UBE2S: variants seen among roughly 807,000 people sequenced by gnomAD.
The protein encoded by UBE2S is ubiquitin-conjugating enzyme E2 S.
Under a neutral mutation model 12.3 loss-of-function variants are expected in UBE2S, and 3 were observed. The observed-to-expected ratio is 0.24, with a 90% CI of 0.11 to 0.63. The LOEUF is 0.63. Ranked by LOEUF, UBE2S falls within the 30% of genes least tolerant of loss-of-function variation. UBE2S has a pLI of 0.85. For missense variants in UBE2S, 211 were observed against 313.9 expected, an observed-to-expected ratio of 0.67 and a Z score of 2.48; for synonymous variants, 133 against 142.0, an observed-to-expected ratio of 0.94 and a Z score of 0.45.
intron 3 of UBE2S, among the ~76,000 whole-genome samples, 198 bp from the exon 4 acceptor site, chr19:55,401,960 A>G (rs1042715258): frequency 1.3e-5 from 2 of 152,200 alleles, no homozygotes; most frequent in Admixed American, 1.3e-4. Flanking sequence ...CCTGCCTCAC[A>G]GCAGATGTTC....
At position 55,400,774 on chromosome 19, in the gene UBE2S, C is replaced by T. The variant is rs2090051303; in HGVS notation, c.*662G>A. On this transcript the variant is annotated 3_prime_UTR_variant, in exon 4 of 4. Transcript: ENST00000264552. ...CTGAAGTGGGTGTTGTTTTAAGCCG[C>T]TGGCTTTGTGATCTGTTGTGCAGAA... 6.6e-6 allele frequency: 1 copy of T among 152,378 alleles called. No homozygotes were observed. Among genetic ancestry groups the T allele is most frequent in the Non-Finnish European group, 1.5e-5 (1 of 68,140 alleles). The allele number at this position is 152,378 out of a possible 1,614,324, so 9.4% of individuals were successfully genotyped here.
At position 55,406,812 on chromosome 19, in the gene UBE2S, C is replaced by T. The variant is rs371208804; in HGVS notation, c.151+3G>A. 3.1e-6 allele frequency: 5 copies of T among 1,611,448 alleles called. No individual in the cohort carries two copies. In the African/African-American group the frequency reaches 6.7e-5, roughly 22 times the overall value. Reference sequence around the variant, plus strand: ...CCCCTTCTCTTTTTCCTTCCAAACTCACCAGGGCCCTCGATGGTGACCTGG... The same window carrying T: ...CCCCTTCTCTTTTTCCTTCCAAACTTACCAGGGCCCTCGATGGTGACCTGG... On this transcript the variant is annotated splice_donor_region_variant and intron_variant, in intron 2 of 3. Transcript: ENST00000264552.
In UBE2S at chr19:55,404,514, C is replaced by T. The variant is rs115338547; in HGVS notation, c.152-36G>A. The stretch of plus-strand genomic sequence containing the variant: ...GGGAGGGGTACAGGGTCAGGGCACT[C>T]AGGAGTCCCAAGGCACCTCAACACC... On this transcript the variant is annotated intron_variant, in intron 2 of 3. Transcript: ENST00000264552. This position sits in a 1 kb window ranked among gnomAD's most constrained non-coding sequence, Gnocchi z 4.4. 56,799 of 1,549,586 alleles carry T rather than the reference C, an allele frequency of 0.037. 1,278 individuals are homozygous for T. The highest frequency in any genetic ancestry group is 0.074 in the Middle Eastern group (429 of 5,764).
chr19:55,405,314 C>A (rs2090090328), intron 2 of UBE2S, among the ~76,000 whole-genome samples: 7 of 151,116 alleles, frequency 4.6e-5, no homozygotes, highest in Admixed American at 3.3e-4. Flanking sequence ...TCGAGACCAG[C>A]CTGGCCAACA....
At chr19:55,406,731 T>C (rs556721120) in intron 2 of UBE2S, 84 bp downstream of exon 2, 71 of 1,510,356 alleles carry the variant, frequency 4.7e-5, no homozygotes, top group Admixed American at 8.2e-5. Flanking sequence ...CAGCCTGTAA[T>C]GGGTACTTCC....
intron 3 of UBE2S, chr19:55,403,006 C>T (rs11672075): frequency 0.39 from 590,743 of 1,529,634 alleles, 119,904 homozygotes; most frequent in Middle Eastern, 0.42. Flanking sequence ...TAGACCAGGA[C>T]GCCTCCACCT....
chr19:55,406,704 A>C, intron 2 of UBE2S, 111 bp downstream of exon 2: 2 of 1,409,210 alleles, frequency 1.4e-6, no homozygotes, highest in Non-Finnish European at 1.9e-6. Flanking sequence ...AATGCATCCC[A>C]ACACCTGACA....
intron 3 of UBE2S, among the ~76,000 whole-genome samples, chr19:55,401,964 G>A (rs1381169421): frequency 6.6e-6 from 1 of 152,184 alleles, no homozygotes; most frequent in East Asian, 1.9e-4. Context: ...CCTCACAGCA[G>A]ATGTTCCCAA....
In UBE2S at chr19:55,407,759, C is replaced by G. The variant is rs139976763; in HGVS notation, c.-170G>C. ...CCGCCGCGCACAGCGTAGACCAACC[C>G]GCCGCCCCGGTGCCCGGCAGCACTG... On this transcript the variant is annotated 5_prime_UTR_variant, in exon 1 of 4. Coordinates refer to ENST00000264552, the MANE Select transcript of UBE2S (RefSeq NM_014501.3). 8 of 420,550 alleles carry G rather than the reference C, an allele frequency of 1.9e-5. No individual in the cohort carries two copies. In the East Asian group the frequency reaches 2.5e-4, roughly 13 times the overall value. 26.1% of individuals were successfully genotyped at this position (420,550 alleles called of 1,614,324 possible).
rs757212622 is a variant in UBE2S at position 55,401,801 on chromosome 19, C to T, written c.343-39G>A. 2.9e-5 allele frequency: 47 copies of T among 1,608,116 alleles called. 1 individual carries two copies. In the Admixed American group the frequency reaches 7.7e-4, roughly 26 times the overall value. On this transcript the variant is annotated intron_variant, in intron 3 of 3. Coordinates refer to ENST00000264552, the MANE Select transcript of UBE2S (RefSeq NM_014501.3). The stretch of plus-strand genomic sequence containing the variant: ...CTCAGGGTCACAGTGGGTCGGGCAA[C>T]CTACAGGGACCCCCAGGCCTCCACA...
chr19:55,401,606 C>G lies in UBE2S; in HGVS notation c.499G>C (p.Ala167Pro). The G allele has an allele frequency of 6.2e-7, 1 of 1,606,876 alleles. No individual in the cohort carries two copies. Among genetic ancestry groups the G allele is most frequent in the Non-Finnish European group, 8.5e-7 (1 of 1,177,886 alleles). The change falls in exon 4 of 4, where the codon GCC (alanine) becomes CCC (proline). Residue 167 changes from alanine (A) to proline (P), a missense_variant. This residue lies in a region of UBE2S where 84 missense variants were observed against 89.9 expected (regional missense o/e 0.93). Transcript: ENST00000264552. ...GAGGPSGRAE[A>P]GRALASGTEA... is the part of the protein sequence containing the mutation. ...GTGCCACTGGCCAGGGCCCGACCGGCTTCGGCCCTGCCGCTGGGCCCGCCG... is the reference window on the plus strand; with the variant it reads ...GTGCCACTGGCCAGGGCCCGACCGGGTTCGGCCCTGCCGCTGGGCCCGCCG...
chr19:55,402,840 T>C, intron 3 of UBE2S: 1 of 961,388 alleles, frequency 1.0e-6, no homozygotes, highest in Non-Finnish European at 1.5e-6. Flanking sequence ...ACCTTGGAGC[T>C]CAATCCTCTC....
chr19:55,407,195 A>ACCC (rs113965331), intron 1 of UBE2S, among the ~76,000 whole-genome samples: 101 of 115,390 alleles, frequency 8.8e-4, no homozygotes, highest in Non-Finnish European at 1.0e-3. Context: ...CCACCCCAGA[A>ACCC]CCCCCCCCCC....
At position 55,401,346 on chromosome 19, in the gene UBE2S, C is replaced by T. The variant is rs191733596; in HGVS notation, c.*90G>A. 6 of 1,013,250 alleles carry T rather than the reference C, an allele frequency of 5.9e-6. No individual in the cohort carries two copies. Among genetic ancestry groups the T allele is most frequent in the Admixed American group, 5.5e-5 (2 of 36,220 alleles). The allele number at this position is 1,013,250 out of a possible 1,614,324, so 62.8% of individuals were successfully genotyped here. Reference sequence around the variant, plus strand: ...CCAGTGCCCCCTGTACCCTCCCCGACCCCAGCCATAATTTAAATAACTTAG... The same window carrying T: ...CCAGTGCCCCCTGTACCCTCCCCGATCCCAGCCATAATTTAAATAACTTAG... On this transcript the variant is annotated 3_prime_UTR_variant, in exon 4 of 4. Transcript: ENST00000264552.
In UBE2S at chr19:55,401,091, T is replaced by G; in HGVS notation, c.*345A>C. On this transcript the variant is annotated 3_prime_UTR_variant, in exon 4 of 4. Coordinates refer to ENST00000264552, the MANE Select transcript of UBE2S (RefSeq NM_014501.3). ...TTGGAAATCTGACTCCAAAGAGGGGTTGTGACCGCTCTACCTCCACAGAAC... is the reference window on the plus strand; with the variant it reads ...TTGGAAATCTGACTCCAAAGAGGGGGTGTGACCGCTCTACCTCCACAGAAC... 2 of 305,946 alleles carry G rather than the reference T, an allele frequency of 6.5e-6. No homozygotes were observed. Among genetic ancestry groups the G allele is most frequent in the South Asian group, 4.9e-5 (1 of 20,446 alleles). 19.0% of individuals were successfully genotyped at this position (305,946 alleles called of 1,614,324 possible).
Position 55,406,782 on chromosome 19 carries a change from A to G in UBE2S, c.151+33T>C, listed in dbSNP as rs749706564. ...GAGCAGGGTGATGGAGGATCTAAGC[A>G]GCAGCCCCTTCTCTTTTTCCTTCCA... On this transcript the variant is annotated intron_variant, in intron 2 of 3. Coordinates refer to ENST00000264552, the MANE Select transcript of UBE2S (RefSeq NM_014501.3). 3 of 1,596,516 alleles carry G rather than the reference A, an allele frequency of 1.9e-6. No homozygotes were observed. The South Asian group carries it at 3.4e-5, about 18-fold the overall frequency.
chr19:55,401,837 C>T (rs2090061815), intron 3 of UBE2S, 75 bp from the exon 4 acceptor site: 1 of 1,513,218 alleles, frequency 6.6e-7, no homozygotes, highest in Admixed American at 1.8e-5. Flanking sequence ...AGAGGGTGGC[C>T]TCCGCACTGG....
intron 3 of UBE2S, among the ~76,000 whole-genome samples, chr19:55,403,445 C>G (rs556523090): frequency 6.6e-6 from 1 of 151,622 alleles, no homozygotes; most frequent in Non-Finnish European, 1.5e-5. Flanking sequence ...GCTATGACTG[C>G]GCCACTGCAC....
At chr19:55,407,066 G>A in intron 1 of UBE2S, 104 bp from the exon 2 acceptor site, 2 of 1,413,732 alleles carry the variant, frequency 1.4e-6, no homozygotes, top group Non-Finnish European at 1.9e-6. Context: ...GTGGCCCCAG[G>A]CTGTCAATCA....
Sources: allele counts gnomAD v4.1 joint callset (sites outside exome capture counted in the v4.1 genomes callset), GRCh38; gene constraint gnomAD v4.1.1; regional missense constraint gnomAD v4.1.1; non-coding constraint Gnocchi (gnomAD v3.1); transcripts MANE v1.5; gene names NCBI Gene and HGNC (gene_info 2026-07-23, HGNC 2026-07-21).